CTNNA2: variants seen among roughly 807,000 people sequenced by gnomAD.
CTNNA2 encodes the protein catenin alpha-2.
Under a neutral mutation model 101.0 loss-of-function variants are expected in CTNNA2, and 42 were observed. The ratio of observed to expected loss-of-function variants is 0.42; its 90% CI spans 0.32 to 0.54. CTNNA2 has a LOEUF of 0.54. Ranked by LOEUF, CTNNA2 falls within the 20% of genes least tolerant of loss-of-function variation. The pLI is 0.14. For synonymous variants in CTNNA2, 450 were observed against 456.4 expected, an observed-to-expected ratio of 0.99 and a Z score of 0.18; for missense variants, 871 against 1,223.1, an observed-to-expected ratio of 0.71 and a Z score of 4.29.
chr2:79,476,081 T>C (rs765363816), intron 4 of CTNNA2, among the ~76,000 whole-genome samples: 9 of 152,174 alleles, frequency 5.9e-5, no homozygotes, highest in Non-Finnish European at 1.2e-4. Flanking sequence ...AGAGAATCAA[T>C]TTGTAGAAAC....
At chr2:80,483,576 G>A (rs956781709) in intron 9 of CTNNA2, among the ~76,000 whole-genome samples, 20 of 151,972 alleles carry the variant, frequency 1.3e-4, no homozygotes, top group African/African-American at 4.8e-4. Flanking sequence ...TGGAAGAGGG[G>A]TGCAAGTAAA....
chr2:79,351,196 T>G (rs1677378979), intron 3 of CTNNA2, among the ~76,000 whole-genome samples: 1 of 152,212 alleles, frequency 6.6e-6, no homozygotes, highest in South Asian at 2.1e-4. Context: ...TAGTCATAAA[T>G]TCTCTGCCTA....
At chr2:80,429,048 T>A (rs1187473773) in intron 9 of CTNNA2, among the ~76,000 whole-genome samples, 1 of 152,192 alleles carries the variant, frequency 6.6e-6, no homozygotes, top group African/African-American at 2.4e-5. Context: ...GCTATTTTGT[T>A]CAGCTCACTT....
At chr2:80,349,963 CAGTCT>C (rs1673131878) in intron 7 of CTNNA2, among the ~76,000 whole-genome samples, 1 of 151,906 alleles carries the variant, frequency 6.6e-6, no homozygotes, top group Non-Finnish European at 1.5e-5. Flanking sequence ...GATTTTCATA[CAGTCT>C]ATATTTATGA....
At chr2:79,417,450 G>A (rs559075489) in intron 4 of CTNNA2, among the ~76,000 whole-genome samples, 2 of 152,146 alleles carry the variant, frequency 1.3e-5, no homozygotes, top group Admixed American at 6.6e-5. Context: ...ATTGTAAAAT[G>A]TTCTAAGAGA....
intron 7 of CTNNA2, among the ~76,000 whole-genome samples, chr2:79,911,822 A>T (rs1406333480): frequency 6.6e-6 from 1 of 152,154 alleles, no homozygotes; most frequent in Non-Finnish European, 1.5e-5. Context: ...TGGACTTCAC[A>T]CTTGTTTGGT....
At chr2:80,529,124 CAG>C (rs2149590612) in intron 9 of CTNNA2, among the ~76,000 whole-genome samples, 1 of 152,214 alleles carries the variant, frequency 6.6e-6, no homozygotes, top group South Asian at 2.1e-4. Flanking sequence ...AGACAAACAC[CAG>C]AGTAGTTTTT....
intron 7 of CTNNA2, among the ~76,000 whole-genome samples, chr2:80,212,969 C>T (rs1708000973): frequency 6.6e-6 from 1 of 152,042 alleles, no homozygotes; most frequent in Non-Finnish European, 1.5e-5. Flanking sequence ...GGAATTTATC[C>T]ATTTCTTCTA....
rs117848709 is a variant in CTNNA2, at chr2:79,464,150, A to G, written c.-134-40904A>G. Among the ~76,000 whole-genome samples, 1,646 of 152,242 alleles carry G rather than the reference A, an allele frequency of 0.011. 81 individuals are homozygous for G. The East Asian group carries it at 0.13, about 12-fold the overall frequency. On this transcript the variant is annotated intron_variant, in intron 4 of 21. Coordinates refer to the CTNNA2 transcript ENST00000466387. ...CCTCCCACTCCCATCACCCCACGAC[A>G]GGCCCCGATGTGTGATGTTCCCCAC...
intron 17 of CTNNA2, 138 bp from the exon 18 acceptor site, chr2:80,618,947 A>C: frequency 4.5e-5 from 21 of 462,952 alleles, no homozygotes; most frequent in Non-Finnish European, 6.4e-5. Context: ...TTCAGCACGT[A>C]ATTCCTTCAT....
At chr2:79,483,893 A>T (rs1375372629) in intron 4 of CTNNA2, among the ~76,000 whole-genome samples, 1 of 152,176 alleles carries the variant, frequency 6.6e-6, no homozygotes, top group Admixed American at 6.5e-5. Context: ...TGTCTTTTTC[A>T]TAGAATGACT....
At chr2:80,623,504 G>C (rs538304921) in intron 18 of CTNNA2, among the ~76,000 whole-genome samples, 1 of 152,004 alleles carries the variant, frequency 6.6e-6, no homozygotes, top group Non-Finnish European at 1.5e-5. Flanking sequence ...AAATGTCAGA[G>C]AGGGCTGGAA....
At chr2:79,444,652 G>T (rs994855139) in intron 4 of CTNNA2, among the ~76,000 whole-genome samples, 8 of 151,878 alleles carry the variant, frequency 5.3e-5, no homozygotes, top group African/African-American at 1.9e-4. Flanking sequence ...TGCTCTAATT[G>T]GCCTTAGTGA....
intron 2 of CTNNA2, among the ~76,000 whole-genome samples, chr2:79,294,963 C>T (rs963188136): frequency 4.0e-5 from 6 of 151,420 alleles, no homozygotes; most frequent in African/African-American, 1.2e-4. Context: ...GAACAGATGC[C>T]TACAAACACA....
intron 7 of CTNNA2, among the ~76,000 whole-genome samples, chr2:79,996,277 G>GA (rs1244109425): frequency 1.3e-5 from 2 of 152,136 alleles, no homozygotes; most frequent in African/African-American, 4.8e-5. Context: ...CATGTTATTA[G>GA]ACACACGGCA....
intron 2 of CTNNA2, among the ~76,000 whole-genome samples, chr2:79,657,167 C>T (rs886669276): frequency 6.6e-6 from 1 of 151,698 alleles, no homozygotes; most frequent in South Asian, 2.1e-4. Context: ...TTTGGTGATT[C>T]TTTGAAATGG....
intron 7 of CTNNA2, among the ~76,000 whole-genome samples, chr2:80,063,991 A>C (rs1184264216): frequency 2.0e-5 from 3 of 152,234 alleles, no homozygotes; most frequent in Non-Finnish European, 4.4e-5. Context: ...AAATAAAATA[A>C]AGAGAAAGAT....
At chr2:80,545,710 TAAA>T (rs1366971614) in intron 10 of CTNNA2, among the ~76,000 whole-genome samples, 194 bp from the exon 11 acceptor site, 2 of 152,196 alleles carry the variant, frequency 1.3e-5, no homozygotes, top group African/African-American at 4.8e-5. Context: ...TATTATGTCT[TAAA>T]AAGAAGCAAA....
chr2:79,312,405 G>T (rs998768322), intron 2 of CTNNA2, among the ~76,000 whole-genome samples: 1 of 152,192 alleles, frequency 6.6e-6, no homozygotes, highest in African/African-American at 2.4e-5. Context: ...TTCATAGTGT[G>T]TATACTCTGT....
Sources: allele counts gnomAD v4.1 joint callset (sites outside exome capture counted in the v4.1 genomes callset), GRCh38; gene constraint gnomAD v4.1.1; transcripts MANE v1.5; gene names NCBI Gene and HGNC (gene_info 2026-07-23, HGNC 2026-07-21).